CDH18: variants seen among roughly 807,000 people sequenced by gnomAD.
CDH18 encodes cadherin 18, also known as cadherin-18.
In CDH18, 31 loss-of-function variants were observed where a neutral mutation model predicts 67.9. The observed-to-expected ratio is 0.46, with a 90% CI of 0.34 to 0.62. The LOEUF is 0.62. CDH18 is among the 20% of genes least tolerant of loss of function. The pLI is 0.01. For synonymous variants in CDH18, 362 were observed against 347.2 expected (o/e 1.04, Z -0.48); for missense variants, 890 against 975.5 (o/e 0.91, Z 1.17).
At chr5:19,661,738 A>C (rs1757209774) in intron 5 of CDH18, among the ~76,000 whole-genome samples, 1 of 152,012 alleles carries the variant, frequency 6.6e-6, no homozygotes, top group Admixed American at 6.6e-5. Flanking sequence ...GATGAGAAAA[A>C]CTCTACAGGG....
chr5:20,068,206 G>A (rs1580166311), intron 2 of CDH18, among the ~76,000 whole-genome samples: 1 of 152,002 alleles, frequency 6.6e-6, no homozygotes, highest in African/African-American at 2.4e-5. Context: ...TTGAGGCATT[G>A]TTCTTTACAG....
intron 5 of CDH18, among the ~76,000 whole-genome samples, chr5:19,677,356 C>T (rs1293925317): frequency 1.3e-5 from 2 of 152,042 alleles, no homozygotes; most frequent in African/African-American, 4.8e-5. Flanking sequence ...GAAGCAAATG[C>T]TAACGGAATT....
chr5:19,611,997 T>A (rs1487397865), intron 6 of CDH18, among the ~76,000 whole-genome samples: 1 of 146,782 alleles, frequency 6.8e-6, no homozygotes, highest in East Asian at 2.1e-4. Context: ...CATACATGCA[T>A]GCATTTGTAT....
intron 1 of CDH18, among the ~76,000 whole-genome samples, chr5:20,473,423 TA>T (rs1391775423): frequency 6.6e-6 from 1 of 152,122 alleles, no homozygotes; most frequent in East Asian, 1.9e-4. Flanking sequence ...TTTTTCTAGA[TA>T]TTTTTTCAGG....
intron 1 of CDH18, among the ~76,000 whole-genome samples, chr5:20,495,787 C>T (rs1218072411): frequency 2.0e-5 from 3 of 150,196 alleles, no homozygotes; most frequent in Non-Finnish European, 4.5e-5. Flanking sequence ...ATTTAAATAT[C>T]GAGTTCTAGA....
At chr5:20,305,025 G>A in intron 1 of CDH18, 3 of 1,611,622 alleles carry the variant, frequency 1.9e-6, no homozygotes, top group Non-Finnish European at 1.7e-6. Context: ...CAAGGCCAGA[G>A]GAGGAGGGCT....
chr5:19,732,746 T>C lies in CDH18; in HGVS notation c.524-11280A>G, dbSNP rs143797282. On this transcript the variant is annotated intron_variant, in intron 4 of 12. Coordinates refer to ENST00000382275, the MANE Select transcript of CDH18 (RefSeq NM_004934.5). Reference sequence around the variant, plus strand: ...TGAAACAGCTTGGGACACAATATTGTTTTCAGAATGATTAGTATATTTCAT... The same window carrying C: ...TGAAACAGCTTGGGACACAATATTGCTTTCAGAATGATTAGTATATTTCAT... Among the ~76,000 whole-genome samples the C allele has an allele frequency of 1.3e-3, 196 of 152,262 alleles. 1 individual carries two copies. Among genetic ancestry groups the C allele is most frequent in the African/African-American group, 4.5e-3 (189 of 41,566 alleles).
chr5:19,818,046 T>C (rs566171094), intron 3 of CDH18, among the ~76,000 whole-genome samples: 13 of 152,276 alleles, frequency 8.5e-5, no homozygotes, highest in African/African-American at 2.2e-4. Flanking sequence ...GGAAACAGAA[T>C]TGTATGTAGG....
chr5:20,046,690 CTA>C (rs961063968), intron 2 of CDH18, among the ~76,000 whole-genome samples: 3 of 148,516 alleles, frequency 2.0e-5, no homozygotes, highest in African/African-American at 2.5e-5. Flanking sequence ...ATATATATCT[CTA>C]TATATATATA....
At chr5:19,934,178 CAGAA>C (rs1189528463) in intron 2 of CDH18, among the ~76,000 whole-genome samples, 1 of 149,328 alleles carries the variant, frequency 6.7e-6, no homozygotes, top group Admixed American at 6.7e-5. Flanking sequence ...AAACAAAAGA[CAGAA>C]AGAGAAAGAG....
At chr5:20,343,006 C>A (rs1200274706) in intron 1 of CDH18, among the ~76,000 whole-genome samples, 1 of 152,058 alleles carries the variant, frequency 6.6e-6, no homozygotes, top group Non-Finnish European at 1.5e-5. Context: ...CTTTGAAGAG[C>A]CCTATAATTG....
chr5:19,743,134 C>G (rs1317834844), intron 4 of CDH18, among the ~76,000 whole-genome samples: 2 of 152,094 alleles, frequency 1.3e-5, no homozygotes, highest in Non-Finnish European at 2.9e-5. Flanking sequence ...ACTAGGCTAT[C>G]TTAGTATCAC....
intron 1 of CDH18, among the ~76,000 whole-genome samples, chr5:20,389,649 T>C (rs1044520207): frequency 2.6e-5 from 4 of 152,106 alleles, no homozygotes; most frequent in African/African-American, 4.8e-5. Flanking sequence ...TTAAAGTTCA[T>C]ATGGAACCAA....
At chr5:19,761,562 C>CAA (rs201956075) in intron 3 of CDH18, among the ~76,000 whole-genome samples, 1 of 148,526 alleles carries the variant, frequency 6.7e-6, no homozygotes, top group South Asian at 2.1e-4. Flanking sequence ...TGCAGAAACC[C>CAA]AAAAAAAAAC....
At chr5:20,417,305 AT>A in intron 1 of CDH18, among the ~76,000 whole-genome samples, 1 of 152,250 alleles carries the variant, frequency 6.6e-6, no homozygotes, top group Non-Finnish European at 1.5e-5. Context: ...CAATGGTAAT[AT>A]TGTTTCCTAG....
chr5:20,575,452 A>T (rs1041479368), intron 1 of CDH18: 1 of 152,130 alleles, frequency 6.6e-6, no homozygotes, highest in Non-Finnish European at 1.5e-5. Flanking sequence ...TAAAAATTGC[A>T]TTTCCTTACC....
intron 8 of CDH18, among the ~76,000 whole-genome samples, chr5:19,546,894 A>T (rs1170681161): frequency 1.3e-5 from 2 of 152,224 alleles, no homozygotes; most frequent in Non-Finnish European, 2.9e-5. Context: ...ACCATTGTAC[A>T]TTAAATTTTC....
chr5:19,949,972 G>GATAT (rs58811876), intron 2 of CDH18, among the ~76,000 whole-genome samples: 3 of 148,742 alleles, frequency 2.0e-5, no homozygotes, highest in African/African-American at 7.4e-5. Context: ...AAGAAAATAT[G>GATAT]ATATATATAT....
intron 1 of CDH18, among the ~76,000 whole-genome samples, chr5:20,388,616 G>T (rs1744529720): frequency 6.6e-6 from 1 of 152,056 alleles, no homozygotes; most frequent in South Asian, 2.1e-4. Flanking sequence ...GCTAGCTTTT[G>T]AATGTGTTTG....
Sources: gnomAD v4.1 joint callset for allele counts (sites outside exome capture counted in the v4.1 genomes callset) on GRCh38, gnomAD v4.1.1 for gene constraint, MANE v1.5 for transcripts, NCBI Gene and HGNC (gene_info 2026-07-23, HGNC 2026-07-21) for gene names.